OTC: variants seen among roughly 807,000 people sequenced by gnomAD.
OTC encodes the protein ornithine transcarbamylase, also known as ornithine transcarbamylase, mitochondrial.
Under a neutral mutation model 30.3 loss-of-function variants are expected in OTC, and 3 were observed. That is an observed-to-expected ratio of 0.10 (90% CI 0.05 to 0.26). OTC has a LOEUF of 0.26. Among genes scored for constraint, OTC ranks in the 10% least tolerant of loss-of-function variants. OTC has a pLI of 1.00. For synonymous variants in OTC, 111 were observed against 99.7 expected, an observed-to-expected ratio of 1.11 and a Z score of -0.67; for missense variants, 194 against 260.3, an observed-to-expected ratio of 0.75 and a Z score of 1.75.
chrX:38,422,645 A>G (rs1359226364), downstream of OTC, among the ~76,000 whole-genome samples: 2 of 112,259 alleles, frequency 1.8e-5, no homozygotes, highest in Non-Finnish European at 3.8e-5. Context: ...AAAAAGCTCT[A>G]TAGCTTTCTT....
chrX:38,344,075 G>T, the OTC span, among the ~76,000 whole-genome samples: 4 of 111,604 alleles, frequency 3.6e-5, no homozygotes, highest in Non-Finnish European at 7.5e-5. Context: ...GAACCCAGGA[G>T]GCAGAGGTTG....
intron 4 of OTC, among the ~76,000 whole-genome samples, chrX:38,390,933 T>C (rs1936085841): frequency 8.9e-6 from 1 of 112,044 alleles, no homozygotes; most frequent in Admixed American, 9.5e-5. Flanking sequence ...CTTTGTTTTG[T>C]TTCAGCCTTC....
downstream of OTC, among the ~76,000 whole-genome samples, chrX:38,422,467 C>T (rs2068600469): frequency 8.9e-6 from 1 of 111,762 alleles, no homozygotes; most frequent in African/African-American, 3.3e-5. Flanking sequence ...CCTCAAATTG[C>T]CTACATAGAA....
intron 1 of OTC, among the ~76,000 whole-genome samples, chrX:38,355,649 G>A (rs1293777481): frequency 3.6e-5 from 4 of 112,379 alleles, no homozygotes; most frequent in East Asian, 5.6e-4. Context: ...TCCAGACAAC[G>A]TGATTATAAG....
chrX:38,389,485 T>C (rs1000284003), intron 4 of OTC, among the ~76,000 whole-genome samples: 1 of 112,003 alleles, frequency 8.9e-6, no homozygotes, highest in Non-Finnish European at 1.9e-5. Flanking sequence ...TTACGATTTT[T>C]GGTAAAATGT....
At chrX:38,332,159 C>G in the OTC span, among the ~76,000 whole-genome samples, 1 of 109,509 alleles carries the variant, frequency 9.1e-6, no homozygotes, top group Non-Finnish European at 1.9e-5. Context: ...GATGATCTGT[C>G]ATTGTTTCCC....
chrX:38,377,877 G>T (rs545950774), intron 3 of OTC, among the ~76,000 whole-genome samples: 1 of 109,874 alleles, frequency 9.1e-6, no homozygotes, highest in South Asian at 3.9e-4. Context: ...TCACTCTCTC[G>T]CCCTGGCTGC....
intron 3 of OTC, among the ~76,000 whole-genome samples, chrX:38,370,573 G>A (rs2068318460): frequency 9.0e-6 from 1 of 111,332 alleles, no homozygotes; most frequent in South Asian, 3.8e-4. Context: ...ACCTCCAACC[G>A]GCCTGAACAT....
At position 38,421,362 on chromosome X, in the gene OTC, A is replaced by G; in HGVS notation, c.*280A>G. 1 of 305,491 alleles carries G rather than the reference A, an allele frequency of 3.3e-6. No individual in the cohort carries two copies. The highest frequency in any genetic ancestry group is 5.9e-6 in the Non-Finnish European group (1 of 170,240). The allele number at this position is 305,491 out of a possible 1,213,427, so 25.2% of individuals were successfully genotyped here. On this transcript the variant is annotated 3_prime_UTR_variant, in exon 10 of 10. Coordinates refer to ENST00000039007, the MANE Select transcript of OTC (RefSeq NM_000531.6). Reference sequence around the variant, plus strand: ...TTATCATATACATTTACTTCAACATAAAATACTGTGTTCATAATGTATAAT... The same window carrying G: ...TTATCATATACATTTACTTCAACATGAAATACTGTGTTCATAATGTATAAT...
At chrX:38,352,892 T>A in intron 1 of OTC, 119 bp downstream of exon 1, 1 of 545,323 alleles carries the variant, frequency 1.8e-6, no homozygotes, top group Non-Finnish European at 3.2e-6. Context: ...TACTCTTATT[T>A]GAGACAGCTG....
chrX:38,367,278 T>A lies in OTC; in HGVS notation c.78-13T>A. ...GAAATACATATTTCTCCCTTTTAAA[T>A]CTCTTTTTACAGGTGTGGACAACCA... On this transcript the variant is annotated splice_polypyrimidine_tract_variant and intron_variant, in intron 1 of 9. Transcript: ENST00000039007. 1 of 1,196,903 alleles carries A rather than the reference T, an allele frequency of 8.4e-7. No individual in the cohort carries two copies. Among genetic ancestry groups the A allele is most frequent in the Non-Finnish European group, 1.1e-6 (1 of 882,577 alleles).
At chrX:38,384,744 A>T (rs2068393703) in intron 4 of OTC, among the ~76,000 whole-genome samples, 1 of 111,111 alleles carries the variant, frequency 9.0e-6, no homozygotes, top group Non-Finnish European at 1.9e-5. Context: ...TCGAATAAAA[A>T]GTGCCTGCAC....
At chrX:38,411,693 A>G (rs1400666135) in intron 8 of OTC, among the ~76,000 whole-genome samples, 169 bp from the exon 9 acceptor site, 2 of 111,037 alleles carry the variant, frequency 1.8e-5, no homozygotes, top group East Asian at 2.8e-4. Flanking sequence ...TGAAAGTACC[A>G]TGTACATTTC....
intron 1 of OTC, among the ~76,000 whole-genome samples, chrX:38,359,886 AAATCTGCTGGG>A (rs1217280214): frequency 9.3e-6 from 1 of 107,974 alleles, no homozygotes; most frequent in African/African-American, 3.4e-5. Flanking sequence ...TTCATCCCAG[AAATCTGCTGGG>A]AATTAATTCT....
At position 38,409,017 on chromosome X, in the gene OTC, A is replaced by T; in HGVS notation, c.859A>T (p.Thr287Ser). The T allele has an allele frequency of 8.3e-7, 1 of 1,211,387 alleles. No homozygotes were observed. The highest frequency in any genetic ancestry group is 1.8e-5 in the South Asian group (1 of 56,989). The change falls in exon 8 of 10, where the codon ACA becomes TCA. Residue 287 changes from threonine (T) to serine (S), a missense_variant. Physicochemically the swap from Thr to Ser is moderately conservative, Grantham distance 58. Coordinates refer to ENST00000039007, the MANE Select transcript of OTC (RefSeq NM_000531.6). ...RLQAFQGYQV[T>S]MKTAKVAASD... ...CCAGGCTTTCCAAGGTTACCAGGTT[A>T]CAATGAAGGTACAAATTGATGCCTC...
chrX:38,347,629 G>C (rs957859725), upstream of OTC, among the ~76,000 whole-genome samples: 3 of 112,303 alleles, frequency 2.7e-5, no homozygotes, highest in Non-Finnish European at 3.8e-5. Flanking sequence ...ATCGCCATCT[G>C]TCTTGTTTGT....
At chrX:38,357,742 T>A (rs1447116901) in intron 1 of OTC, among the ~76,000 whole-genome samples, 2 of 112,568 alleles carry the variant, frequency 1.8e-5, no homozygotes, top group African/African-American at 6.5e-5. Context: ...AGGAAGATAT[T>A]TGGGTAAAGT....
intron 6 of OTC, among the ~76,000 whole-genome samples, chrX:38,404,008 C>T (rs2068503854): frequency 8.9e-6 from 1 of 112,274 alleles, no homozygotes; most frequent in African/African-American, 3.2e-5. Context: ...CCTTTGAATA[C>T]CCTGCTGTAG....
chrX:38,398,289 G>T (rs771551013), intron 4 of OTC, among the ~76,000 whole-genome samples: 30 of 111,544 alleles, frequency 2.7e-4, no homozygotes, highest in Non-Finnish European at 5.3e-4. Context: ...GTTTTAAAAG[G>T]CCTTGATTTC....
Sources: allele counts gnomAD v4.1 joint callset (sites outside exome capture counted in the v4.1 genomes callset), GRCh38; gene constraint gnomAD v4.1.1; transcripts MANE v1.5; gene names NCBI Gene and HGNC (gene_info 2026-07-23, HGNC 2026-07-21).